The following LPCAT1 variants were observed in gnomAD, a reference collection of about 807,000 sequenced individuals.
LPCAT1 encodes lysophosphatidylcholine acyltransferase 1.
A neutral mutation model predicts 60.9 loss-of-function variants in LPCAT1; 23 were observed. That is an observed-to-expected ratio of 0.38 (90% CI 0.27 to 0.53). The LOEUF is 0.53. Among genes scored for constraint, LPCAT1 ranks in the 20% least tolerant of loss-of-function variants. The probability of loss-of-function intolerance (pLI) is 0.82; values close to 1 mark genes in which losing one functional copy is unlikely to be tolerated. For missense variants in LPCAT1, 622 were observed against 723.6 expected (o/e 0.86, Z 1.61); for synonymous variants, 340 against 301.1 (o/e 1.13, Z -1.34).
chr5:1,471,036 G>C lies in LPCAT1; in HGVS notation c.1180-112C>G. 3 of 776,254 alleles carry C rather than the reference G, an allele frequency of 3.9e-6. No individual in the cohort carries two copies. The South Asian group carries it at 5.1e-5, about 13-fold the overall frequency. 48.1% of individuals were successfully genotyped at this position (776,254 alleles called of 1,614,324 possible). The stretch of plus-strand genomic sequence containing the variant: ...TAAAGGCCAGTCCCACTCTCACTCG[G>C]GAACATCTGCCCATGTGAAAAGGGA... On this transcript the variant is annotated intron_variant, in intron 11 of 13. Transcript: ENST00000283415.
Position 1,483,912 on chromosome 5 carries a change from AG to A in LPCAT1, c.668-427del, listed in dbSNP as rs1301821236. Among the ~76,000 whole-genome samples, 1 of 151,672 alleles carries A rather than the reference AG, an allele frequency of 6.6e-6. No individual in the cohort carries two copies. The highest frequency in any genetic ancestry group is 1.5e-5 in the Non-Finnish European group (1 of 67,870). ...CGCACGAGCTGGAAGACATCCGTGG[AG>A]GGACACTTTCTGCTGTAACATCGCG... On this transcript the variant is annotated intron_variant, in intron 5 of 13. Coordinates refer to ENST00000283415, the MANE Select transcript of LPCAT1 (RefSeq NM_024830.5). The surrounding 1 kb of genome is among the most constrained non-coding windows in gnomAD (Gnocchi z 9.2).
intron 3 of LPCAT1, among the ~76,000 whole-genome samples, chr5:1,490,260 C>G (rs1279168021): frequency 6.6e-6 from 1 of 152,204 alleles, no homozygotes; most frequent in East Asian, 1.9e-4. Flanking sequence ...TGAACTGCAT[C>G]CCCTAAAAGA....
intron 1 of LPCAT1, among the ~76,000 whole-genome samples, chr5:1,519,610 C>T (rs929528492): frequency 2.6e-5 from 4 of 152,374 alleles, no homozygotes; most frequent in Admixed American, 6.5e-5. Context: ...AGCCAGCCCA[C>T]GCTGCCCTCC....
At position 1,466,743 on chromosome 5, in the gene LPCAT1, G is replaced by C. The variant is rs1413104822; in HGVS notation, c.1420+6C>G. ...CGCGAGGACGACCCCACTCCTGCGG[G>C]CTCACCGAATGTGATCTTCCCCTTC... On this transcript the variant is annotated splice_donor_region_variant and intron_variant, in intron 13 of 13. Transcript: ENST00000283415. 2 of 1,608,916 alleles carry C rather than the reference G, an allele frequency of 1.2e-6. No individual in the cohort carries two copies. Among genetic ancestry groups the C allele is most frequent in the African/African-American group, 1.3e-5 (1 of 74,868 alleles).
chr5:1,478,615 G>A (rs769890948), intron 8 of LPCAT1, among the ~76,000 whole-genome samples: 6 of 152,372 alleles, frequency 3.9e-5, no homozygotes, highest in East Asian at 3.9e-4. Flanking sequence ...CCTCAGGCCC[G>A]GGCCAAGGCC....
At chr5:1,464,663 GCA>G (rs1230615798) in intron 13 of LPCAT1, among the ~76,000 whole-genome samples, 91 of 111,600 alleles carry the variant, frequency 8.2e-4, no homozygotes, top group Admixed American at 2.4e-3. Context: ...ACACACAAAA[GCA>G]CGCACACACA....
intron 13 of LPCAT1, among the ~76,000 whole-genome samples, chr5:1,464,841 CAA>C (rs921686497): frequency 1.9e-4 from 29 of 150,212 alleles, no homozygotes; most frequent in African/African-American, 6.4e-4. Context: ...CACGTACACA[CAA>C]GTGTGTGCAC....
In LPCAT1 at chr5:1,480,927, C is replaced by A. The variant is rs376718658; in HGVS notation, c.761+15G>T. The stretch of plus-strand genomic sequence containing the variant: ...GAACAACAGGACAAAGAGGACGACA[C>A]GGCGTTCAACTTACGCTCCAGGTCC... On this transcript the variant is annotated intron_variant, in intron 7 of 13. Coordinates refer to ENST00000283415, the MANE Select transcript of LPCAT1 (RefSeq NM_024830.5). The surrounding 1 kb of genome is among the most constrained non-coding windows in gnomAD (Gnocchi z 6.4). 2.5e-6 allele frequency: 4 copies of A among 1,613,700 alleles called. No homozygotes were observed. The highest frequency in any genetic ancestry group is 3.4e-6 in the Non-Finnish European group (4 of 1,179,978).
intron 2 of LPCAT1, among the ~76,000 whole-genome samples, chr5:1,497,676 G>T (rs563966771): frequency 1.4e-4 from 21 of 152,246 alleles, no homozygotes; most frequent in African/African-American, 5.1e-4. Flanking sequence ...AGGCTGAGAC[G>T]CAGGTGGCAG....
At position 1,481,100 on chromosome 5, in the gene LPCAT1, G is replaced by A. The variant is rs992811684; in HGVS notation, c.727-124C>T. 3 of 1,204,780 alleles carry A rather than the reference G, an allele frequency of 2.5e-6. No homozygotes were observed. The Admixed American group carries it at 5.2e-5, about 21-fold the overall frequency. 74.6% of individuals were successfully genotyped at this position (1,204,780 alleles called of 1,614,324 possible). ...ACAGAGGCGCTGCAGCCAGGGGGAA[G>A]GGAGGAGGGTGCTAGAGCTCCAGCT... On this transcript the variant is annotated intron_variant, in intron 6 of 13. Transcript: ENST00000283415. The surrounding 1 kb of genome is among the most constrained non-coding windows in gnomAD (Gnocchi z 7.8).
At position 1,483,663 on chromosome 5, in the gene LPCAT1, G is replaced by A. The variant is rs1735251546; in HGVS notation, c.668-177C>T. Among the ~76,000 whole-genome samples, 1 of 152,220 alleles carries A rather than the reference G, an allele frequency of 6.6e-6. No individual in the cohort carries two copies. Among genetic ancestry groups the A allele is most frequent in the African/African-American group, 2.4e-5 (1 of 41,460 alleles). ...TCTGTCCTGACCGTAAACACCCAGC[G>A]CCACAGCACGGATGGGCAGGAACAT... On this transcript the variant is annotated intron_variant, in intron 5 of 13. Transcript: ENST00000283415. The surrounding 1 kb of genome is among the most constrained non-coding windows in gnomAD (Gnocchi z 9.2).
At chr5:1,485,007 C>T (rs192404782) in intron 5 of LPCAT1, among the ~76,000 whole-genome samples, 6,527 of 152,272 alleles carry the variant, frequency 0.043, 214 homozygotes, top group Non-Finnish European at 0.067. Context: ...GCAGCCGAGT[C>T]CCAGCCCCTG....
At chr5:1,493,481 G>A (rs1339431979) in intron 3 of LPCAT1, among the ~76,000 whole-genome samples, 2 of 152,276 alleles carry the variant, frequency 1.3e-5, no homozygotes, top group African/African-American at 4.8e-5. Flanking sequence ...GGTGCTGCAT[G>A]GAAACAGAGC....
chr5:1,466,936 AC>A, intron 12 of LPCAT1, 46 bp from the exon 13 acceptor site: 1 of 1,474,864 alleles, frequency 6.8e-7, no homozygotes, highest in Non-Finnish European at 9.0e-7. Context: ...TCCCCTGCCC[AC>A]CAGGCCCCGC....
chr5:1,523,613 A>C lies in LPCAT1; in HGVS notation c.135+97T>G, dbSNP rs939163389. 2 of 852,098 alleles carry C rather than the reference A, an allele frequency of 2.3e-6. No individual in the cohort carries two copies. The highest frequency in any genetic ancestry group is 2.8e-6 in the Non-Finnish European group (2 of 701,832). 52.8% of individuals were successfully genotyped at this position (852,098 alleles called of 1,614,324 possible). On this transcript the variant is annotated intron_variant, in intron 1 of 13. Coordinates refer to ENST00000283415, the MANE Select transcript of LPCAT1 (RefSeq NM_024830.5). The surrounding 1 kb of genome is among the most constrained non-coding windows in gnomAD (Gnocchi z 7.1). ...GGCTCGCAGGGCCGCGCCGCGCCCCAGGCCCCCTCCCCGGCCCCTCCTCGG... is the reference window on the plus strand; with the variant it reads ...GGCTCGCAGGGCCGCGCCGCGCCCCCGGCCCCCTCCCCGGCCCCTCCTCGG...
intron 5 of LPCAT1, among the ~76,000 whole-genome samples, chr5:1,485,599 G>A (rs1427120124): frequency 6.6e-6 from 1 of 152,196 alleles, no homozygotes; most frequent in Non-Finnish European, 1.5e-5. Context: ...CCCCCAGAAG[G>A]CCATCACCCC....
rs2126632958 is a variant in LPCAT1, at chr5:1,523,352, A to C, written c.135+358T>G. ...CGATGCGGGTCCAGCCTCCCGCGGG[A>C]GCCGAGGTCGGGGCTCTGGGAGGCA... On this transcript the variant is annotated intron_variant, in intron 1 of 13. Transcript: ENST00000283415. The surrounding 1 kb of genome is among the most constrained non-coding windows in gnomAD (Gnocchi z 7.1). Among the ~76,000 whole-genome samples, 1 of 151,682 alleles carries C rather than the reference A, an allele frequency of 6.6e-6. No homozygotes were observed. Among genetic ancestry groups the C allele is most frequent in the Non-Finnish European group, 1.5e-5 (1 of 67,860 alleles).
intron 13 of LPCAT1, among the ~76,000 whole-genome samples, chr5:1,465,082 C>T (rs1217825845): frequency 6.7e-6 from 1 of 148,464 alleles, no homozygotes; most frequent in Non-Finnish European, 1.5e-5. Context: ...CACGGTAACA[C>T]ACATGCGCAT....
chr5:1,495,106 C>T lies in LPCAT1; in HGVS notation c.279-192G>A, dbSNP rs1168102929. Among the ~76,000 whole-genome samples, 1 of 152,192 alleles carries T rather than the reference C, an allele frequency of 6.6e-6. No individual in the cohort carries two copies. On this transcript the variant is annotated intron_variant, in intron 2 of 13. Coordinates refer to ENST00000283415, the MANE Select transcript of LPCAT1 (RefSeq NM_024830.5). This position sits in a 1 kb window ranked among gnomAD's most constrained non-coding sequence, Gnocchi z 4.7. ...CGCCTTCCTGGCCTCCGCCTGTGTC[C>T]TCGCTGGCTGCGCTCTCACCTACGA...
Sources: gnomAD v4.1 joint callset for allele counts (sites outside exome capture counted in the v4.1 genomes callset) on GRCh38, gnomAD v4.1.1 for gene constraint, Gnocchi (gnomAD v3.1) non-coding constraint, MANE v1.5 for transcripts, NCBI Gene and HGNC (gene_info 2026-07-23, HGNC 2026-07-21) for gene names.